Variants in SYNE2 observed in about 807,000 individuals in gnomAD.
SYNE2 encodes nesprin-2.
SYNE2 carries 431 observed loss-of-function variants against 856.3 expected under a neutral mutation model. That is an observed-to-expected ratio of 0.50 (90% confidence interval 0.47 to 0.55). SYNE2 has a LOEUF of 0.55. Ranked by LOEUF, SYNE2 falls within the 20% of genes least tolerant of loss-of-function variation. SYNE2 has a pLI of 0.00. For synonymous variants in SYNE2, 2,923 were observed against 2,872.3 expected (o/e 1.02, Z -0.56); for missense variants, 8,129 against 8,023.2 (o/e 1.01, Z -0.50).
chr14:64,212,625 T>C (rs939860235), intron 104 of SYNE2, among the ~76,000 whole-genome samples, 186 bp from the exon 105 acceptor site: 63 of 152,332 alleles, frequency 4.1e-4, no homozygotes, highest in African/African-American at 1.5e-3. Flanking sequence ...AGGGGGAATA[T>C]AGACAATCAC....
Position 64,081,475 on chromosome 14 carries a change from T to G in SYNE2, c.11379T>G (p.Leu3793=). The change falls in exon 57 of 116, where the codon CTT becomes CTG. Residue 3793 remains leucine, a synonymous_variant. Coordinates refer to ENST00000555002, the MANE Select transcript of SYNE2 (RefSeq NM_182914.3). The part of the protein sequence containing the change: ...ATVKMEEYSD[L]LKSTEAWIEN... Reference sequence around the variant, plus strand: ...TTAAGATGGAGGAATATAGTGACCTTCTGAAGAGCACTGAGGCTTGGATAG... The same window carrying G: ...TTAAGATGGAGGAATATAGTGACCTGCTGAAGAGCACTGAGGCTTGGATAG... The G allele has an allele frequency of 2.5e-6, 4 of 1,614,176 alleles. No homozygotes were observed. Among genetic ancestry groups the G allele is most frequent in the Non-Finnish European group, 3.4e-6 (4 of 1,180,028 alleles).
chr14:64,215,002 A>C (rs542852172), intron 106 of SYNE2, among the ~76,000 whole-genome samples: 81 of 152,270 alleles, frequency 5.3e-4, no homozygotes, highest in African/African-American at 1.8e-3. Context: ...AGCCTCCCAA[A>C]GTACTGAGAT....
At chr14:64,155,185 T>G (rs990948844) in intron 85 of SYNE2, among the ~76,000 whole-genome samples, 3 of 152,170 alleles carry the variant, frequency 2.0e-5, no homozygotes, top group Admixed American at 6.6e-5. Flanking sequence ...CATAGCATGA[T>G]TCATGATAGC....
At chr14:64,038,815 C>T (rs2097124846) in intron 45 of SYNE2, among the ~76,000 whole-genome samples, 2 of 152,158 alleles carry the variant, frequency 1.3e-5, no homozygotes, top group South Asian at 2.1e-4. Context: ...TTCGGCTCGG[C>T]ATCAGAGGGA....
At chr14:63,883,879 T>TC (rs2094922084) in intron 1 of SYNE2, among the ~76,000 whole-genome samples, 2 of 151,866 alleles carry the variant, frequency 1.3e-5, no homozygotes, top group South Asian at 4.2e-4. Context: ...TTTTTTTTTT[T>TC]TTGCATGGGT....
chr14:63,893,387 A>AT (rs1221200591), intron 1 of SYNE2, among the ~76,000 whole-genome samples: 1 of 151,726 alleles, frequency 6.6e-6, no homozygotes. Context: ...TGTGAGACCT[A>AT]TTTTTTTGTC....
At position 64,080,507 on chromosome 14, in the gene SYNE2, T is replaced by G; in HGVS notation, c.11215T>G (p.Ser3739Ala). The G allele has an allele frequency of 6.2e-7, 1 of 1,614,168 alleles. No individual in the cohort carries two copies. The highest frequency in any genetic ancestry group is 8.5e-7 in the Non-Finnish European group (1 of 1,180,024). Residue 3739 changes from serine to alanine, a missense_variant, in exon 56 of 116, where the codon TCT becomes GCT. Coordinates refer to ENST00000555002, the MANE Select transcript of SYNE2 (RefSeq NM_182914.3). ...GCATTCCAAACTAAATGAGCTGGAT[T>G]CTGAAGTTCAGGACATTGTTGAACA... ...LWHSKLNELD[S>A]EVQDIVEQDP... is the part of the protein sequence containing the mutation.
chr14:63,847,585 A>ATTTTTTTT (rs1194475873), intron 1 of SYNE2, among the ~76,000 whole-genome samples: 2 of 137,596 alleles, frequency 1.5e-5, no homozygotes, highest in Non-Finnish European at 1.6e-5. Flanking sequence ...TATGTTCTGT[A>ATTTTTTTT]TTTTTTTTTT....
rs376680386 is a variant in SYNE2 at position 63,888,278 on chromosome 14, C to T, written c.-51-20820C>T. On this transcript the variant is annotated intron_variant, in intron 1 of 115. Coordinates refer to ENST00000555002, the MANE Select transcript of SYNE2 (RefSeq NM_182914.3). ...ATTGCCCCCTCATAAGACTGTTCAG[C>T]TTCCCAGACTGCACTTGGTGTGGCT... Among the ~76,000 whole-genome samples the T allele has an allele frequency of 1.1e-4, 16 of 152,326 alleles. 2 individuals are homozygous for T. In the East Asian group the frequency reaches 2.3e-3, roughly 22 times the overall value.
At chr14:63,860,217 T>C (rs1419515245) in intron 1 of SYNE2, among the ~76,000 whole-genome samples, 4 of 148,344 alleles carry the variant, frequency 2.7e-5, no homozygotes, top group African/African-American at 1.1e-4. Flanking sequence ...ATTGCTGTTA[T>C]AGAAACATAT....
intron 52 of SYNE2, among the ~76,000 whole-genome samples, chr14:64,071,211 C>G (rs950863997): frequency 6.6e-6 from 1 of 152,040 alleles, no homozygotes; most frequent in Non-Finnish European, 1.5e-5. Context: ...ATAGGAAATT[C>G]AGGCCGAGCG....
chr14:64,041,617 G>A (rs2097148909), intron 45 of SYNE2, among the ~76,000 whole-genome samples: 1 of 152,126 alleles, frequency 6.6e-6, no homozygotes, highest in South Asian at 2.1e-4. Context: ...GGGAGGCTGA[G>A]GCAGGAGGAT....
At chr14:63,986,353 G>A in intron 18 of SYNE2, 103 bp from the exon 19 acceptor site, 1 of 1,209,708 alleles carries the variant, frequency 8.3e-7, no homozygotes, top group South Asian at 1.3e-5. Flanking sequence ...TCCTGCCCTG[G>A]CCTCCTAAAG....
At chr14:64,181,849 T>A (rs1371219636) in intron 96 of SYNE2, among the ~76,000 whole-genome samples, 2 of 152,230 alleles carry the variant, frequency 1.3e-5, no homozygotes, top group Non-Finnish European at 2.9e-5. Context: ...TTCACTATTA[T>A]GAAAATTGCT....
chr14:63,859,930 C>G (rs73276869), intron 1 of SYNE2, among the ~76,000 whole-genome samples: 5,057 of 149,722 alleles, frequency 0.034, 187 homozygotes, highest in African/African-American at 0.082. Context: ...CTCTCTTTCT[C>G]CCTTCTCCCC....
chr14:64,159,494 G>T (rs2098311722), intron 87 of SYNE2, 52 bp downstream of exon 87: 1 of 1,600,342 alleles, frequency 6.2e-7, no homozygotes. Flanking sequence ...TTAATGACTT[G>T]TGAAGAATGA....
chr14:63,974,890 GTGTATATATATATATATATA>G (rs2096526880), intron 11 of SYNE2, among the ~76,000 whole-genome samples: 2 of 27,506 alleles, frequency 7.3e-5, no homozygotes, highest in African/African-American at 2.4e-4. Context: ...GTGTGTGTGT[GTGTATATATATATATATATA>G]TATATATGTA....
intron 84 of SYNE2, among the ~76,000 whole-genome samples, chr14:64,150,551 GGTGT>G (rs4027399): frequency 1.3e-5 from 2 of 150,126 alleles, no homozygotes; most frequent in Non-Finnish European, 3.0e-5. Flanking sequence ...ATTTTTGAAG[GGTGT>G]GTGTGTGTGT....
chr14:63,782,201 C>T (rs1169927415), intron 1 of SYNE2, among the ~76,000 whole-genome samples: 1 of 151,546 alleles, frequency 6.6e-6, no homozygotes, highest in Non-Finnish European at 1.5e-5. Context: ...GGGCCAGGCA[C>T]AGTGGCTCAC....
Sources: allele counts gnomAD v4.1 joint callset (sites outside exome capture counted in the v4.1 genomes callset), GRCh38; gene constraint gnomAD v4.1.1; transcripts MANE v1.5; gene names NCBI Gene and HGNC (gene_info 2026-07-23, HGNC 2026-07-21).